The following PAN2 variants were observed in gnomAD, a reference collection of about 807,000 sequenced individuals.
The protein encoded by PAN2 is poly(A) specific ribonuclease subunit PAN2.
A neutral mutation model predicts 133.3 loss-of-function variants in PAN2; 68 were observed. That is an observed-to-expected ratio of 0.51 (90% CI 0.42 to 0.62). PAN2 has a LOEUF of 0.62. Among genes scored for constraint, PAN2 ranks in the 20% least tolerant of loss-of-function variants. The pLI, the probability that PAN2 is intolerant of heterozygous loss-of-function variation, is 0.00. For missense variants in PAN2, 1,042 were observed against 1,500.5 expected (o/e 0.69, Z 5.05); for synonymous variants, 462 against 544.6 (o/e 0.85, Z 2.11).
rs1157920767 is a variant in PAN2, at chr12:56,323,808, G to A, written c.2171C>T (p.Thr724Met). The A allele has an allele frequency of 8.1e-6, 13 of 1,606,034 alleles. No individual in the cohort carries two copies. The highest frequency in any genetic ancestry group is 6.6e-5 in the South Asian group (6 of 90,916). ...AGTCCAGTCCAACAGTCCACTCACC[G>A]TGGGCTGGTACTTTTCACAGGTGTC... ...WCDTCEKYQPTIQTRNIRHLP... is the reference protein window; with the variant it reads ...WCDTCEKYQPMIQTRNIRHLP... Residue 724 changes from threonine to methionine, a missense_variant and splice_region_variant, in exon 14 of 26, where the codon ACG (threonine) becomes ATG (methionine). Physicochemically the swap from Thr to Met is moderately conservative, Grantham distance 81. Transcript: ENST00000440411.
chr12:56,319,529 A>G lies in PAN2; in HGVS notation c.3091-42T>C, dbSNP rs1874254636. 6.3e-7 allele frequency: 1 copy of G among 1,597,898 alleles called. No homozygotes were observed. The highest frequency in any genetic ancestry group is 8.5e-7 in the Non-Finnish European group (1 of 1,171,190). On this transcript the variant is annotated intron_variant, in intron 22 of 25. Transcript: ENST00000440411. The surrounding 1 kb of genome is among the most constrained non-coding windows in gnomAD (Gnocchi z 5.4). ...GGACAAGCCTTTTTCAGGAAGTGAGATGGAGTCTTCCCCTATCACTCTTCC... is the reference window on the plus strand; with the variant it reads ...GGACAAGCCTTTTTCAGGAAGTGAGGTGGAGTCTTCCCCTATCACTCTTCC...
intron 20 of PAN2, among the ~76,000 whole-genome samples, chr12:56,321,633 G>C (rs1432162965): frequency 6.6e-6 from 1 of 151,132 alleles, no homozygotes; most frequent in African/African-American, 2.4e-5. Context: ...GGCAGATCAT[G>C]AGGTCAGGAG....
chr12:56,323,978 C>G (rs1874846342), intron 13 of PAN2, 65 bp from the exon 14 acceptor site: 1 of 1,609,164 alleles, frequency 6.2e-7, no homozygotes, highest in African/African-American at 1.3e-5. Context: ...CCCCAACACC[C>G]TCTCCCTGAT....
At chr12:56,333,246 C>T (rs1052112102) in intron 1 of PAN2, 38 bp from the exon 2 acceptor site, 22 of 735,162 alleles carry the variant, frequency 3.0e-5, no homozygotes, top group Non-Finnish European at 4.4e-5. Context: ...AAGGGTAGGC[C>T]CAGGTACTGG....
chr12:56,321,593 G>C (rs1874545756), intron 20 of PAN2, among the ~76,000 whole-genome samples: 1 of 149,708 alleles, frequency 6.7e-6, no homozygotes, highest in Non-Finnish European at 1.5e-5. Flanking sequence ...GCTCACGCCT[G>C]TAATCCCAGC....
chr12:56,325,580 C>A, intron 8 of PAN2, 126 bp from the exon 9 acceptor site: 1 of 988,044 alleles, frequency 1.0e-6, no homozygotes, highest in Non-Finnish European at 1.5e-6. Context: ...CTCTCAGCAT[C>A]CGCTGCTTCC....
rs769081704 is a variant in PAN2, at chr12:56,322,672, T to C, written c.2580A>G (p.Thr860=). The C allele has an allele frequency of 4.3e-5, 69 of 1,614,054 alleles. No homozygotes were observed. The highest frequency in any genetic ancestry group is 1.6e-4 in the Middle Eastern group (1 of 6,082). ...ATVVHILDSR[T]GGSLVAHIKV... is the part of the protein sequence containing the mutation. ...TGATGTGAGCCACCAGGCTGCCCCC[T>C]GTGCGTGAGTCCAGGATGTGTACCA... Residue 860 remains threonine, a synonymous_variant, in exon 18 of 26, where the codon ACA becomes ACG. Transcript: ENST00000440411.
rs1044945703 is a variant in PAN2, at chr12:56,317,188, C to T, written c.*421G>A. ...CTACTTGCTGGCCCCTCCAGGTATCCCTGAAGCAGTTGGTGACTTGTGCTA... is the reference window on the plus strand; with the variant it reads ...CTACTTGCTGGCCCCTCCAGGTATCTCTGAAGCAGTTGGTGACTTGTGCTA... On this transcript the variant is annotated 3_prime_UTR_variant, in exon 26 of 26. Coordinates refer to ENST00000440411, the MANE Select transcript of PAN2 (RefSeq NM_014871.6). 2 of 161,406 alleles carry T rather than the reference C, an allele frequency of 1.2e-5. No individual in the cohort carries two copies. Among genetic ancestry groups the T allele is most frequent in the African/African-American group, 4.8e-5 (2 of 41,656 alleles). 10.0% of individuals were successfully genotyped at this position (161,406 alleles called of 1,614,324 possible).
Position 56,318,272 on chromosome 12 carries a change from T to G in PAN2, c.3527A>C (p.Lys1176Thr). 1 of 1,614,118 alleles carries G rather than the reference T, an allele frequency of 6.2e-7. No homozygotes were observed. Among genetic ancestry groups the G allele is most frequent in the Non-Finnish European group, 8.5e-7 (1 of 1,179,986 alleles). Residue 1176 changes from lysine (K) to threonine (T), a missense_variant, in exon 25 of 26, where the codon AAG becomes ACG. Lys to Thr is a moderately conservative substitution (Grantham distance 78). Coordinates refer to ENST00000440411, the MANE Select transcript of PAN2 (RefSeq NM_014871.6). ...LYEKGRKMDW[K>T]VPEPEGQTSP... ...TGTTTGGCCCTCAGGCTCAGGCACC[T>G]TCCAGTCCATCTTTCTGCCCTTCTC...
chr12:56,318,981 T>C lies in PAN2; in HGVS notation c.3364+107A>G, dbSNP rs181048100. 4.0e-6 allele frequency: 4 copies of C among 1,004,308 alleles called. No individual in the cohort carries two copies. The East Asian group carries it at 7.3e-5, about 18-fold the overall frequency. The allele number at this position is 1,004,308 out of a possible 1,614,324, so 62.2% of individuals were successfully genotyped here. A position where few individuals can be genotyped will look rare whatever the true frequency, so the allele number is the denominator to read the frequency against. On this transcript the variant is annotated intron_variant, in intron 24 of 25. Transcript: ENST00000440411. ...TTCTGAGTTAGTTCACTTAGTATGA[T>C]GGCCCACAGCTCCATCCATGTTGCC...
intron 17 of PAN2, 149 bp downstream of exon 17, chr12:56,322,913 G>A: frequency 7.9e-7 from 1 of 1,272,922 alleles, no homozygotes; most frequent in Non-Finnish European, 1.1e-6. Flanking sequence ...ACTGAACTGA[G>A]TGACTATGGA....
In PAN2 at chr12:56,332,958, A is replaced by C. The variant is rs1565639364; in HGVS notation, c.137T>G (p.Leu46Trp). The change falls in exon 2 of 26, where the codon TTG becomes TGG. Residue 46 changes from leucine to tryptophan, a missense_variant. By Grantham distance (61) the Leu-to-Trp change is moderately conservative. Transcript: ENST00000440411. Reference sequence around the variant, plus strand: ...TGATTCCTGGACGGGAAGAGCCTCCAAGGCCACTCCCTCTGGGTCCAGCTC... The same window carrying C: ...TGATTCCTGGACGGGAAGAGCCTCCCAGGCCACTCCCTCTGGGTCCAGCTC... ...NVELDPEGVA[L>W]EALPVQESVH... is the part of the protein sequence containing the mutation. 6.2e-7 allele frequency: 1 copy of C among 1,614,208 alleles called. No individual in the cohort carries two copies. The highest frequency in any genetic ancestry group is 8.5e-7 in the Non-Finnish European group (1 of 1,180,036).
In PAN2 at chr12:56,324,439, G is replaced by T; in HGVS notation, c.1783C>A (p.Leu595Ile). ...GCCTCATCTGAGTCAGCCAGGATTA[G>T]ACCGAGGGCTGAGGCCTCAGGAATA... Reference protein sequence around the residue: ...RTIPEASALGLILADSDEASG... With the variant: ...RTIPEASALGIILADSDEASG... Residue 595 changes from leucine (L) to isoleucine (I), a missense_variant, in exon 12 of 26, where the codon CTA becomes ATA. Leu to Ile is a conservative substitution (Grantham distance 5). Around this residue, in one of 3 missense-constraint regions of PAN2, gnomAD observed 908 missense variants for 1,223.5 expected, o/e 0.74. Coordinates refer to ENST00000440411, the MANE Select transcript of PAN2 (RefSeq NM_014871.6). The T allele has an allele frequency of 6.2e-7, 1 of 1,614,192 alleles. No individual in the cohort carries two copies. Among genetic ancestry groups the T allele is most frequent in the South Asian group, 1.1e-5 (1 of 91,058 alleles).
chr12:56,328,609 C>T lies in PAN2; in HGVS notation c.315G>A (p.Leu105=). 9 of 1,614,170 alleles carry T rather than the reference C, an allele frequency of 5.6e-6. No homozygotes were observed. The highest frequency in any genetic ancestry group is 7.6e-6 in the Non-Finnish European group (9 of 1,180,028). ...GHATSFFGPA[L]ERYSSFQVNG... ...TGACTTGAAAGGATGAGTAGCGCTC[C>T]AAGGCTGGGCCAAAAAATGAAGTGG... Residue 105 remains leucine, a synonymous_variant, in exon 3 of 26, where the codon TTG becomes TTA. Coordinates refer to ENST00000440411, the MANE Select transcript of PAN2 (RefSeq NM_014871.6).
chr12:56,326,884 A>G lies in PAN2; in HGVS notation c.995T>C (p.Leu332Pro), dbSNP rs1033481815. 2.5e-6 allele frequency: 4 copies of G among 1,614,112 alleles called. No individual in the cohort carries two copies. The highest frequency in any genetic ancestry group is 2.5e-6 in the Non-Finnish European group (3 of 1,180,032). ...GGCTGACACATCAAATGTCATTAGC[A>G]GAGGCCCCACAGGATTCACATGAAA... Reference protein sequence around the residue: ...DIFHVNPVGPLLMTFDVSASK... With the variant: ...DIFHVNPVGPPLMTFDVSASK... The change falls in exon 7 of 26, where the codon CTG becomes CCG. Residue 332 changes from leucine (L) to proline (P), a missense_variant. Leu to Pro is a moderately conservative substitution (Grantham distance 98). This residue lies in a region of PAN2 where 908 missense variants were observed against 1,223.5 expected (regional missense o/e 0.74). Transcript: ENST00000440411.
intron 13 of PAN2, 56 bp downstream of exon 13, chr12:56,323,993 C>G (rs755220472): frequency 2.1e-5 from 34 of 1,611,654 alleles, no homozygotes. Flanking sequence ...CCTGATATTA[C>G]AGGACATTTT....
Position 56,317,584 on chromosome 12 carries a change from G to T in PAN2, c.*25C>A. The T allele has an allele frequency of 6.2e-7, 1 of 1,608,976 alleles. No individual in the cohort carries two copies. Among genetic ancestry groups the T allele is most frequent in the Non-Finnish European group, 8.5e-7 (1 of 1,175,602 alleles). On this transcript the variant is annotated 3_prime_UTR_variant, in exon 26 of 26. Transcript: ENST00000440411. ...GGGCTATAGAACAGTAAAGGGAGAG[G>T]GCCGTGGTTCTTTGGGAAGGGTAGT...
Position 56,319,205 on chromosome 12 carries a change from G to A in PAN2, c.3271-24C>T, listed in dbSNP as rs1397474928. On this transcript the variant is annotated intron_variant, in intron 23 of 25. Coordinates refer to ENST00000440411, the MANE Select transcript of PAN2 (RefSeq NM_014871.6). This position sits in a 1 kb window ranked among gnomAD's most constrained non-coding sequence, Gnocchi z 5.4. ...ACCTGGCAAGGATAAAAGAGGGGGA[G>A]ACTTAAGGTAGGGGACCTATAATTC... 6.2e-7 allele frequency: 1 copy of A among 1,614,050 alleles called. No homozygotes were observed. The highest frequency in any genetic ancestry group is 1.1e-5 in the South Asian group (1 of 91,048).
intron 20 of PAN2, 76 bp from the exon 21 acceptor site, chr12:56,320,097 C>A: frequency 1.4e-6 from 2 of 1,395,200 alleles, no homozygotes; most frequent in South Asian, 1.2e-5. Context: ...TGTGGCTGAT[C>A]ATCGACTCTG....
Sources: allele counts gnomAD v4.1 joint callset (sites outside exome capture counted in the v4.1 genomes callset), GRCh38; gene constraint gnomAD v4.1.1; regional missense constraint gnomAD v4.1.1; non-coding constraint Gnocchi (gnomAD v3.1); transcripts MANE v1.5; gene names NCBI Gene and HGNC (gene_info 2026-07-23, HGNC 2026-07-21).